CACNG7: variants seen among roughly 807,000 people sequenced by gnomAD.
CACNG7 encodes voltage-dependent calcium channel gamma-7 subunit.
CACNG7 carries 9 observed loss-of-function variants against 26.3 expected under a neutral mutation model. That is an observed-to-expected ratio of 0.34 (90% CI 0.21 to 0.60). The LOEUF is 0.60. CACNG7 is among the 20% of genes least tolerant of loss of function. CACNG7 has a pLI of 0.81. For missense variants in CACNG7, 297 were observed against 380.4 expected (o/e 0.78, Z 1.82); for synonymous variants, 170 against 157.0 (o/e 1.08, Z -0.62).
intron 4 of CACNG7, among the ~76,000 whole-genome samples, chr19:53,923,927 C>A (rs997267924): frequency 3.0e-5 from 4 of 133,684 alleles, no homozygotes; most frequent in Non-Finnish European, 4.8e-5. Context: ...GTGGAGTTGT[C>A]CCCAGGTCTG....
At position 53,940,836 on chromosome 19, in the gene CACNG7, C is replaced by T. The variant is rs1846681036; in HGVS notation, c.425-634C>T. On this transcript the variant is annotated intron_variant, in intron 4 of 5. Coordinates refer to ENST00000391767, the MANE Select transcript of CACNG7 (RefSeq NM_031896.5). This position sits in a 1 kb window ranked among gnomAD's most constrained non-coding sequence, Gnocchi z 4.1. ...TGGGGAGGCCGAGGTGGGTGGATCACCTGAGGTCAGGAGTTTGAGACCAGC... is the reference window on the plus strand; with the variant it reads ...TGGGGAGGCCGAGGTGGGTGGATCATCTGAGGTCAGGAGTTTGAGACCAGC... Among the ~76,000 whole-genome samples the T allele has an allele frequency of 6.6e-6, 1 of 151,942 alleles. No homozygotes were observed. Among genetic ancestry groups the T allele is most frequent in the Non-Finnish European group, 1.5e-5 (1 of 68,002 alleles).
chr19:53,923,912 CATTGGTGGAGTTGTCCCCAGGTCTGGT>C (rs1599982908), intron 4 of CACNG7, among the ~76,000 whole-genome samples: 7 of 126,220 alleles, frequency 5.5e-5, no homozygotes, highest in East Asian at 5.1e-4. Flanking sequence ...CAGGTCTGGT[CATTGGTGGAGTTGTCCCCAGGTCTGGT>C]ATTGGTGGAG....
At chr19:53,919,777 G>A (rs942161435) in intron 4 of CACNG7, among the ~76,000 whole-genome samples, 4 of 144,184 alleles carry the variant, frequency 2.8e-5, no homozygotes, top group Non-Finnish European at 6.0e-5. Flanking sequence ...CCCCAGGCTG[G>A]TCATTGGTGG....
intron 4 of CACNG7, among the ~76,000 whole-genome samples, chr19:53,918,579 T>C (rs1181457468): frequency 1.3e-5 from 2 of 152,186 alleles, no homozygotes; most frequent in East Asian, 3.9e-4. Flanking sequence ...CTCATTTAGA[T>C]CATGAATGTA....
Position 53,939,283 on chromosome 19 carries a change from A to G in CACNG7, c.425-2187A>G, listed in dbSNP as rs565451934. Among the ~76,000 whole-genome samples, 16 of 152,290 alleles carry G rather than the reference A, an allele frequency of 1.1e-4. No homozygotes were observed. ...AAAAAATTCCAAAAAACAAAAAACAAAATTGAGATGTAATTCACATACTAT... is the reference window on the plus strand; with the variant it reads ...AAAAAATTCCAAAAAACAAAAAACAGAATTGAGATGTAATTCACATACTAT... On this transcript the variant is annotated intron_variant, in intron 4 of 5. Coordinates refer to ENST00000391767, the MANE Select transcript of CACNG7 (RefSeq NM_031896.5). The surrounding 1 kb of genome is among the most constrained non-coding windows in gnomAD (Gnocchi z 4.2).
chr19:53,937,876 C>A (rs896501984), intron 4 of CACNG7, among the ~76,000 whole-genome samples: 1 of 151,956 alleles, frequency 6.6e-6, no homozygotes, highest in Non-Finnish European at 1.5e-5. Context: ...CAGGCTTAAG[C>A]CACTGCGCCT....
Position 53,914,545 on chromosome 19 carries a change from C to A in CACNG7, c.242C>A (p.Pro81Gln). The change falls in exon 3 of 6, where the codon CCG (proline) becomes CAG (glutamine). Residue 81 changes from proline (P) to glutamine (Q), a missense_variant. By Grantham distance (76) the Pro-to-Gln change is moderately conservative. Coordinates refer to ENST00000391767, the MANE Select transcript of CACNG7 (RefSeq NM_031896.5). ...GTGGCCTCAGAATATTTTCTTGAACCGGAGATCAATTTGGTGACGGAAAAC... is the reference window on the plus strand; with the variant it reads ...GTGGCCTCAGAATATTTTCTTGAACAGGAGATCAATTTGGTGACGGAAAAC... ...RCVASEYFLEPEINLVTENTE... is the reference protein window; with the variant it reads ...RCVASEYFLEQEINLVTENTE... 2 of 1,614,068 alleles carry A rather than the reference C, an allele frequency of 1.2e-6. No homozygotes were observed. Among genetic ancestry groups the A allele is most frequent in the Non-Finnish European group, 1.7e-6 (2 of 1,180,002 alleles).
chr19:53,941,997 G>C (rs1336284488), intron 5 of CACNG7, 39 bp from the exon 6 acceptor site: 3 of 1,536,968 alleles, frequency 2.0e-6, no homozygotes, highest in East Asian at 2.3e-5. Context: ...GGGATGCGCA[G>C]GGGGGCGCCC....
intron 4 of CACNG7, among the ~76,000 whole-genome samples, chr19:53,922,099 G>T (rs1326303612): frequency 8.8e-6 from 1 of 113,654 alleles, no homozygotes; most frequent in East Asian, 2.3e-4. Context: ...TTGTCCCCAG[G>T]CCTGGTCATT....
At position 53,941,584 on chromosome 19, in the gene CACNG7, CCTTCGCCG is replaced by C. The variant is rs773952208; in HGVS notation, c.544_551del (p.Ala182LeufsTer171). The C allele has an allele frequency of 1.9e-6, 3 of 1,611,870 alleles. No individual in the cohort carries two copies. Among genetic ancestry groups the C allele is most frequent in the Non-Finnish European group, 1.7e-6 (2 of 1,179,196 alleles). On this transcript the variant is annotated frameshift_variant, in exon 5 of 6. Transcript: ENST00000391767. LOFTEE classifies it high-confidence loss of function. The stretch of plus-strand genomic sequence containing the variant: ...CATTATCGCTACGGGTGGTCTTTTG[CCTTCGCCG>C]CTTCCTCCTTCCTACTCAAAGAGGT...
chr19:53,913,186 C>G (rs978826420), intron 2 of CACNG7, among the ~76,000 whole-genome samples, 159 bp downstream of exon 2: 45 of 152,094 alleles, frequency 3.0e-4, no homozygotes, highest in African/African-American at 1.1e-3. Context: ...GTGACTAGCC[C>G]TTTATTCCTG....
intron 4 of CACNG7, among the ~76,000 whole-genome samples, chr19:53,919,616 G>GT (rs1174695438): frequency 3.8e-5 from 5 of 132,916 alleles, no homozygotes; most frequent in Non-Finnish European, 4.7e-5. Flanking sequence ...GTTGCCCCAG[G>GT]CTGGTCATTG....
chr19:53,915,035 A>G (rs1303349323), intron 3 of CACNG7, among the ~76,000 whole-genome samples: 1 of 151,326 alleles, frequency 6.6e-6, no homozygotes, highest in East Asian at 1.9e-4. Flanking sequence ...AGGAAGGAAG[A>G]AAGAAAGAAG....
chr19:53,928,109 GAGAAC>G (rs2069045822), intron 4 of CACNG7, among the ~76,000 whole-genome samples: 1 of 152,010 alleles, frequency 6.6e-6, no homozygotes, highest in African/African-American at 2.4e-5. Flanking sequence ...GTTATTTTTG[GAGAAC>G]CAGGGCTAAT....
rs1478543519 is a variant in CACNG7, at chr19:53,909,299, G to A, written c.-248G>A. Reference sequence around the variant, plus strand: ...CCGCAGTAGCCAATGAGCGGCCGCCGGTTCCTGCTCCCGGCTCCGTCCGCC... The same window carrying A: ...CCGCAGTAGCCAATGAGCGGCCGCCAGTTCCTGCTCCCGGCTCCGTCCGCC... On this transcript the variant is annotated 5_prime_UTR_variant, in exon 1 of 6. Transcript: ENST00000391767. This position sits in a 1 kb window ranked among gnomAD's most constrained non-coding sequence, Gnocchi z 5.1. The A allele has an allele frequency of 6.6e-6, 1 of 150,690 alleles. No homozygotes were observed. The highest frequency in any genetic ancestry group is 6.6e-5 in the Admixed American group (1 of 15,198). 9.3% of individuals were successfully genotyped at this position (150,690 alleles called of 1,614,324 possible). A position where few individuals can be genotyped will look rare whatever the true frequency, so the allele number is the denominator to read the frequency against.
At chr19:53,937,670 A>C (rs913779321) in intron 4 of CACNG7, among the ~76,000 whole-genome samples, 2 of 141,392 alleles carry the variant, frequency 1.4e-5, no homozygotes, top group Admixed American at 1.6e-4. Flanking sequence ...GACTCATTGC[A>C]ACCTCTGCTT....
rs1176386458 is a variant in CACNG7, at chr19:53,920,712, C to A, written c.424+5207C>A. ...TTGGTGGACTTGCTCCAGGTCTGGT[C>A]ATTGGTGGAGCTGTCCCAGGCTGGT... On this transcript the variant is annotated intron_variant, in intron 4 of 5. Coordinates refer to ENST00000391767, the MANE Select transcript of CACNG7 (RefSeq NM_031896.5). 1.8e-5 allele frequency among the ~76,000 whole-genome samples: 2 copies of A among 112,068 alleles called. 1 individual carries two copies. Among genetic ancestry groups the A allele is most frequent in the Non-Finnish European group, 3.4e-5 (2 of 58,702 alleles). 73.5% of individuals were successfully genotyped at this position (112,068 alleles called of 152,430 possible).
At chr19:53,926,965 T>C (rs1277555048) in intron 4 of CACNG7, among the ~76,000 whole-genome samples, 6 of 152,148 alleles carry the variant, frequency 3.9e-5, no homozygotes, top group Admixed American at 1.3e-4. Context: ...CTTTTTCTTT[T>C]TTTCTTTTTT....
rs140704088 is a variant in CACNG7, at chr19:53,920,885, T to C, written c.424+5380T>C. ...CCAGGTCTGGTCATTGGTGGAGTTG[T>C]CCCAGGTCTGGTCATTGGTGGAGTT... On this transcript the variant is annotated intron_variant, in intron 4 of 5. Transcript: ENST00000391767. 2.4e-4 allele frequency among the ~76,000 whole-genome samples: 24 copies of C among 100,552 alleles called. 1 individual carries two copies. Among genetic ancestry groups the C allele is most frequent in the East Asian group, 3.1e-4 (1 of 3,192 alleles). 66.0% of individuals were successfully genotyped at this position (100,552 alleles called of 152,430 possible).
Sources: allele counts gnomAD v4.1 joint callset (sites outside exome capture counted in the v4.1 genomes callset), GRCh38; gene constraint gnomAD v4.1.1; non-coding constraint Gnocchi (gnomAD v3.1); transcripts MANE v1.5; gene names NCBI Gene and HGNC (gene_info 2026-07-23, HGNC 2026-07-21).